PTPRM: variants seen among roughly 807,000 people sequenced by gnomAD.
PTPRM encodes receptor-type tyrosine-protein phosphatase mu.
In PTPRM, 47 loss-of-function variants were observed where a neutral mutation model predicts 186.7. The ratio of observed to expected loss-of-function variants is 0.25; its 90% CI spans 0.20 to 0.32. The LOEUF is 0.32. Among genes scored for constraint, PTPRM ranks in the 10% least tolerant of loss-of-function variants. The probability of loss-of-function intolerance (pLI) is 1.00; values close to 1 mark genes in which losing one functional copy is unlikely to be tolerated. For synonymous variants in PTPRM, 668 were observed against 674.9 expected, an observed-to-expected ratio of 0.99 and a Z score of 0.16; for missense variants, 1,494 against 1,865.0, an observed-to-expected ratio of 0.80 and a Z score of 3.66.
intron 7 of PTPRM, among the ~76,000 whole-genome samples, chr18:7,996,791 T>A (rs2083562787): frequency 7.4e-6 from 1 of 135,858 alleles, no homozygotes. Flanking sequence ...GCATTTACAG[T>A]AGTTACCAAA....
chr18:8,005,838 C>T (rs1311647338), intron 7 of PTPRM, among the ~76,000 whole-genome samples: 1 of 152,090 alleles, frequency 6.6e-6, no homozygotes, highest in Non-Finnish European at 1.5e-5. Flanking sequence ...GTATTTTAAG[C>T]CTTTTAATTT....
intron 14 of PTPRM, among the ~76,000 whole-genome samples, chr18:8,201,792 C>G (rs927667545): frequency 1.3e-5 from 2 of 152,182 alleles, no homozygotes; most frequent in African/African-American, 4.8e-5. Flanking sequence ...TACCCCATCT[C>G]TAACTATAAT....
chr18:8,249,738 TG>T (rs535144716), intron 17 of PTPRM, among the ~76,000 whole-genome samples: 223 of 152,348 alleles, frequency 1.5e-3, no homozygotes, highest in African/African-American at 5.0e-3. Context: ...GTCGCTGCTT[TG>T]TTATTATGAA....
intron 2 of PTPRM, among the ~76,000 whole-genome samples, chr18:7,775,160 G>A (rs1036872207): frequency 4.6e-5 from 7 of 152,214 alleles, no homozygotes; most frequent in Admixed American, 3.3e-4. Context: ...AGAGTTTAAT[G>A]TTGTCACTAA....
intron 1 of PTPRM, among the ~76,000 whole-genome samples, chr18:7,627,162 C>T (rs961481031): frequency 6.6e-6 from 1 of 152,146 alleles, no homozygotes; most frequent in African/African-American, 2.4e-5. Flanking sequence ...CCTGCCATTT[C>T]TACTCACCTC....
intron 9 of PTPRM, among the ~76,000 whole-genome samples, chr18:8,082,241 A>G (rs1445669396): frequency 6.6e-6 from 1 of 152,192 alleles, no homozygotes; most frequent in Non-Finnish European, 1.5e-5. Context: ...AAATGTTCCA[A>G]TTCCTCTGGT....
chr18:7,794,944 G>C (rs1373505319), intron 2 of PTPRM, among the ~76,000 whole-genome samples: 1 of 152,144 alleles, frequency 6.6e-6, no homozygotes, highest in African/African-American at 2.4e-5. Flanking sequence ...TACCTGGCCA[G>C]TGCTCCAGTA....
At chr18:8,209,669 T>C (rs2093976023) in intron 14 of PTPRM, among the ~76,000 whole-genome samples, 1 of 152,024 alleles carries the variant, frequency 6.6e-6, no homozygotes, top group East Asian at 1.9e-4. Flanking sequence ...AGATAATCAA[T>C]TTAAAATGAG....
intron 7 of PTPRM, among the ~76,000 whole-genome samples, chr18:7,958,207 C>CAAAAAAAAAAAAAAAAA (rs534178363): frequency 4.3e-5 from 5 of 115,268 alleles, no homozygotes; most frequent in African/African-American, 1.7e-4. Context: ...CCATCCCCTG[C>CAAAAAAAAAAAAAAAAA]AAAAAAAAAA....
chr18:7,785,432 G>C (rs557866337), intron 2 of PTPRM, among the ~76,000 whole-genome samples: 1 of 151,704 alleles, frequency 6.6e-6, no homozygotes. Context: ...AAAAGTGTGT[G>C]TGTATGTTGA....
chr18:8,118,128 T>A (rs774755035), intron 13 of PTPRM, among the ~76,000 whole-genome samples: 7 of 152,200 alleles, frequency 4.6e-5, no homozygotes, highest in African/African-American at 1.7e-4. Context: ...TAATTTCTTA[T>A]ATTGAATGAG....
At chr18:7,721,757 A>G (rs745669797) in intron 1 of PTPRM, among the ~76,000 whole-genome samples, 3 of 152,180 alleles carry the variant, frequency 2.0e-5, no homozygotes, top group Non-Finnish European at 2.9e-5. Context: ...ACTCAATCAT[A>G]TATGCCAGGG....
At chr18:8,026,109 A>C (rs1439017074) in intron 7 of PTPRM, among the ~76,000 whole-genome samples, 1 of 152,250 alleles carries the variant, frequency 6.6e-6, no homozygotes. Flanking sequence ...GCTAAAATGC[A>C]AGGCACCTTT....
intron 1 of PTPRM, among the ~76,000 whole-genome samples, chr18:7,579,135 C>G (rs2036778180): frequency 6.6e-6 from 1 of 151,974 alleles, no homozygotes; most frequent in African/African-American, 2.4e-5. Context: ...AGAAAAAAGC[C>G]CCCTGAAATT....
intron 7 of PTPRM, among the ~76,000 whole-genome samples, chr18:8,035,725 G>A (rs1227772885): frequency 6.6e-6 from 1 of 152,044 alleles, no homozygotes; most frequent in South Asian, 2.1e-4. Flanking sequence ...AACTGGAGGG[G>A]TACAAGGAAA....
intron 1 of PTPRM, among the ~76,000 whole-genome samples, chr18:7,627,759 T>C (rs1345318065): frequency 6.6e-6 from 1 of 151,998 alleles, no homozygotes; most frequent in Non-Finnish European, 1.5e-5. Context: ...TAGTGGAGAG[T>C]AGAGCTGAAC....
At chr18:7,650,157 A>G (rs1394715535) in intron 1 of PTPRM, among the ~76,000 whole-genome samples, 2 of 152,074 alleles carry the variant, frequency 1.3e-5, no homozygotes, top group African/African-American at 4.8e-5. Flanking sequence ...TTTTTGTATT[A>G]ATGGGTTCTG....
intron 1 of PTPRM, among the ~76,000 whole-genome samples, chr18:7,596,004 G>GA: frequency 6.6e-6 from 1 of 152,232 alleles, no homozygotes; most frequent in Admixed American, 6.5e-5. Context: ...GAAAAAGATC[G>GA]AAAAAGTATT....
chr18:8,196,884 G>A (rs897836616), intron 14 of PTPRM, among the ~76,000 whole-genome samples: 2 of 152,186 alleles, frequency 1.3e-5, no homozygotes, highest in African/African-American at 4.8e-5. Flanking sequence ...GTGGTGGGAT[G>A]TCTATCTGTA....
Sources: gnomAD v4.1 joint callset for allele counts (sites outside exome capture counted in the v4.1 genomes callset) on GRCh38, gnomAD v4.1.1 for gene constraint, MANE v1.5 for transcripts, NCBI Gene and HGNC (gene_info 2026-07-23, HGNC 2026-07-21) for gene names.